EIF4G3: variants seen among roughly 807,000 people sequenced by gnomAD.
The protein encoded by EIF4G3 is eIF-4-gamma 3.
Under a neutral mutation model 186.4 loss-of-function variants are expected in EIF4G3, and 34 were observed. The ratio of observed to expected loss-of-function variants is 0.18; its 90% CI spans 0.14 to 0.24. EIF4G3 has a LOEUF of 0.24. Among genes scored for constraint, EIF4G3 ranks in the 10% least tolerant of loss-of-function variants. The probability of loss-of-function intolerance (pLI) is 1.00; values close to 1 mark genes in which losing one functional copy is unlikely to be tolerated. For synonymous variants in EIF4G3, 673 were observed against 679.5 expected (o/e 0.99, Z 0.15); for missense variants, 1,536 against 1,948.5 (o/e 0.79, Z 3.99).
intron 2 of EIF4G3, among the ~76,000 whole-genome samples, chr1:21,110,337 C>A (rs1403851493): frequency 6.6e-6 from 1 of 151,628 alleles, no homozygotes; most frequent in Admixed American, 6.6e-5. Context: ...GCTCTGTTGC[C>A]TAGGCTGGAG....
chr1:20,939,322 A>G (rs557528835), intron 14 of EIF4G3, among the ~76,000 whole-genome samples: 1 of 152,178 alleles, frequency 6.6e-6, no homozygotes, highest in East Asian at 1.9e-4. Context: ...GTCATTAAAA[A>G]AACAGTTCTT....
At chr1:20,982,261 A>T in intron 8 of EIF4G3, 127 bp downstream of exon 8, 1 of 700,816 alleles carries the variant, frequency 1.4e-6, no homozygotes. Context: ...CAAGATTAAA[A>T]GCCTTGAAAC....
chr1:20,951,602 G>C (rs2096222788), intron 12 of EIF4G3, among the ~76,000 whole-genome samples: 1 of 152,008 alleles, frequency 6.6e-6, no homozygotes, highest in Admixed American at 6.6e-5. Context: ...AAGAGATCTG[G>C]AACAAAGGAA....
At chr1:21,111,417 G>A (rs2096723873) in intron 2 of EIF4G3, 1 of 470,086 alleles carries the variant, frequency 2.1e-6, no homozygotes, top group Non-Finnish European at 4.4e-6. Flanking sequence ...GCTTATGATG[G>A]GCTTAGCACA....
At chr1:20,867,692 T>C (rs17449735) in intron 20 of EIF4G3, among the ~76,000 whole-genome samples, 4,259 of 152,278 alleles carry the variant, frequency 0.028, 91 homozygotes, top group Middle Eastern at 0.051. Flanking sequence ...GAGTAACGTA[T>C]ATTGTAATAA....
chr1:21,135,644 T>A (rs1414611108), intron 2 of EIF4G3, among the ~76,000 whole-genome samples: 1 of 152,252 alleles, frequency 6.6e-6, no homozygotes, highest in Non-Finnish European at 1.5e-5. Context: ...TGTGTCAGTA[T>A]TTAATAACAC....
intron 14 of EIF4G3, among the ~76,000 whole-genome samples, chr1:20,937,400 A>G (rs2095551920): frequency 6.6e-6 from 1 of 152,222 alleles, no homozygotes; most frequent in South Asian, 2.1e-4. Context: ...GTTCCAGCAA[A>G]TGCTTTCCCC....
At chr1:21,058,586 G>T (rs71647183) in intron 3 of EIF4G3, among the ~76,000 whole-genome samples, 1 of 150,458 alleles carries the variant, frequency 6.6e-6, no homozygotes, top group Admixed American at 6.6e-5. Flanking sequence ...GGGTGCATTG[G>T]TGTGATCACA....
In EIF4G3 at chr1:20,810,245, C is replaced by G. The variant is rs2058973056; in HGVS notation, c.4744+493G>C. Among the ~76,000 whole-genome samples, 1 of 151,980 alleles carries G rather than the reference C, an allele frequency of 6.6e-6. No individual in the cohort carries two copies. The highest frequency in any genetic ancestry group is 2.4e-5 in the African/African-American group (1 of 41,354). ...TCTTGGATCACTGTAACCTCCGCCT[C>G]CTGGGTTCAAGCGATTCTCCTGCCT... On this transcript the variant is annotated intron_variant, in intron 36 of 36. Transcript: ENST00000602326. This position sits in a 1 kb window ranked among gnomAD's most constrained non-coding sequence, Gnocchi z 4.1.
intron 26 of EIF4G3, 93 bp from the exon 27 acceptor site, chr1:20,853,770 A>C: frequency 1.1e-6 from 1 of 883,194 alleles, no homozygotes; most frequent in East Asian, 2.6e-5. Context: ...GCCTGAGACC[A>C]GGCATTCCTA....
At chr1:20,873,746 T>C (rs1271658556) in intron 20 of EIF4G3, among the ~76,000 whole-genome samples, 1 of 145,794 alleles carries the variant, frequency 6.9e-6, no homozygotes, top group Non-Finnish European at 1.5e-5. Flanking sequence ...AACCACGAGA[T>C]ACAGGTGCAG....
At chr1:21,072,403 T>G (rs996944624) in intron 3 of EIF4G3, among the ~76,000 whole-genome samples, 87 of 152,114 alleles carry the variant, frequency 5.7e-4, no homozygotes, top group African/African-American at 2.0e-3. Context: ...TTTATTTTAT[T>G]TATTTATTTA....
chr1:21,051,131 C>T (rs2094190203), intron 3 of EIF4G3, 137 bp from the exon 4 acceptor site: 2 of 566,062 alleles, frequency 3.5e-6, no homozygotes, highest in Non-Finnish European at 6.3e-6. Flanking sequence ...TGAACAAACA[C>T]TTAAAATTTT....
intron 4 of EIF4G3, among the ~76,000 whole-genome samples, chr1:21,048,439 G>A (rs1368413916): frequency 1.3e-5 from 2 of 152,088 alleles, no homozygotes; most frequent in Admixed American, 1.3e-4. Context: ...ATATGTAGAA[G>A]GAAAGGGTTT....
chr1:20,970,235 T>C (rs140170469), intron 11 of EIF4G3, among the ~76,000 whole-genome samples: 4 of 152,330 alleles, frequency 2.6e-5, no homozygotes, highest in Admixed American at 2.0e-4. Flanking sequence ...CAACCTTATA[T>C]ACAAATGTAA....
intron 29 of EIF4G3, chr1:20,848,043 G>A (rs533778818): frequency 1.2e-5 from 4 of 330,270 alleles, no homozygotes; most frequent in South Asian, 7.0e-5. Context: ...TCGGCTCACT[G>A]CAACCTCTGC....
intron 2 of EIF4G3, among the ~76,000 whole-genome samples, chr1:21,155,895 G>A (rs2097650803): frequency 6.6e-6 from 1 of 152,092 alleles, no homozygotes. Flanking sequence ...GAGACGCTGA[G>A]GCAGGAGGAT....
At chr1:20,979,782 C>T (rs1380575002) in intron 10 of EIF4G3, among the ~76,000 whole-genome samples, 13 of 148,506 alleles carry the variant, frequency 8.8e-5, no homozygotes, top group African/African-American at 2.2e-4. Context: ...GATGGAGTCT[C>T]GCTCTGTCAC....
chr1:20,853,140 A>G (rs1368691103), intron 27 of EIF4G3, among the ~76,000 whole-genome samples: 2 of 152,246 alleles, frequency 1.3e-5, no homozygotes, highest in East Asian at 3.8e-4. Flanking sequence ...AAGCAAAAGC[A>G]GAAAGATAGT....
Sources: gnomAD v4.1 joint callset for allele counts (sites outside exome capture counted in the v4.1 genomes callset) on GRCh38, gnomAD v4.1.1 for gene constraint, Gnocchi (gnomAD v3.1) non-coding constraint, MANE v1.5 for transcripts, NCBI Gene and HGNC (gene_info 2026-07-23, HGNC 2026-07-21) for gene names.